Variants in OSBPL11 observed in about 807,000 individuals in gnomAD.
The protein encoded by OSBPL11 is oxysterol-binding protein-related protein 11.
Under a neutral mutation model 84.4 loss-of-function variants are expected in OSBPL11, and 33 were observed. The ratio of observed to expected loss-of-function variants is 0.39; its 90% confidence interval spans 0.30 to 0.52. The LOEUF is 0.52. Among genes scored for constraint, OSBPL11 ranks in the 20% least tolerant of loss-of-function variants. The probability of loss-of-function intolerance (pLI) is 0.72; values close to 1 mark genes in which losing one functional copy is unlikely to be tolerated. For synonymous variants in OSBPL11, 276 were observed against 310.2 expected, an observed-to-expected ratio of 0.89 and a Z score of 1.16; for missense variants, 736 against 901.1, an observed-to-expected ratio of 0.82 and a Z score of 2.35.
intron 1 of OSBPL11, among the ~76,000 whole-genome samples, chr3:125,586,390 A>G (rs1452768705): frequency 6.6e-6 from 1 of 152,262 alleles, no homozygotes; most frequent in African/African-American, 2.4e-5. Context: ...GTCTATAAAA[A>G]TAACTGATTA....
chr3:125,577,882 G>A (rs1271127321), intron 4 of OSBPL11, among the ~76,000 whole-genome samples: 1 of 151,902 alleles, frequency 6.6e-6, no homozygotes, highest in African/African-American at 2.4e-5. Flanking sequence ...ATTGTTGATG[G>A]GAATGTAAAA....
At chr3:125,541,880 GCCCC>G (rs946805734) in intron 10 of OSBPL11, among the ~76,000 whole-genome samples, 1 of 152,126 alleles carries the variant, frequency 6.6e-6, no homozygotes, top group Non-Finnish European at 1.5e-5. Flanking sequence ...ACCGTACCCG[GCCCC>G]CAAATCTTGC....
At chr3:125,539,326 T>TATATAC (rs1553732054) in intron 10 of OSBPL11, among the ~76,000 whole-genome samples, 50 of 120,358 alleles carry the variant, frequency 4.2e-4, no homozygotes, top group Non-Finnish European at 5.9e-4. Context: ...TATATATATA[T>TATATAC]ATATATATAT....
In OSBPL11 at chr3:125,595,148, G is replaced by A; in HGVS notation, c.-348C>T. Reference sequence around the variant, plus strand: ...CGCAGATTCTGTAGCCAAGACGGCTGGGAAAAGGACGGAGCGCCACGGACA... The same window carrying A: ...CGCAGATTCTGTAGCCAAGACGGCTAGGAAAAGGACGGAGCGCCACGGACA... On this transcript the variant is annotated 5_prime_UTR_variant, in exon 1 of 13. Transcript: ENST00000296220. 5.5e-6 allele frequency: 1 copy of A among 181,096 alleles called. No homozygotes were observed. The highest frequency in any genetic ancestry group is 1.2e-5 in the Non-Finnish European group (1 of 84,968). 11.2% of individuals were successfully genotyped at this position (181,096 alleles called of 1,614,324 possible). A position where few individuals can be genotyped will look rare whatever the true frequency, so the allele number is the denominator to read the frequency against.
chr3:125,535,439 CTTTTTT>C (rs763678488), intron 11 of OSBPL11, among the ~76,000 whole-genome samples: 1 of 84,282 alleles, frequency 1.2e-5, no homozygotes, highest in African/African-American at 4.6e-5. Flanking sequence ...TCAGAAGCAT[CTTTTTT>C]TTTTTTTTTT....
intron 7 of OSBPL11, among the ~76,000 whole-genome samples, chr3:125,562,638 A>T (rs1347870982): frequency 6.6e-6 from 1 of 152,158 alleles, no homozygotes; most frequent in Non-Finnish European, 1.5e-5. Context: ...GAAAAAAAAT[A>T]GGAGAAGGCC....
intron 12 of OSBPL11, among the ~76,000 whole-genome samples, chr3:125,531,259 T>C (rs1337865606): frequency 3.3e-5 from 5 of 150,858 alleles, no homozygotes; most frequent in African/African-American, 1.2e-4. Context: ...ATTACAGACG[T>C]GAGCCACCGC....
intron 10 of OSBPL11, among the ~76,000 whole-genome samples, chr3:125,539,159 A>T (rs968089776): frequency 1.3e-5 from 2 of 151,290 alleles, no homozygotes; most frequent in African/African-American, 4.8e-5. Context: ...ATAAAATAAT[A>T]CATTAAAATG....
chr3:125,535,938 G>T (rs1935634840), intron 11 of OSBPL11, among the ~76,000 whole-genome samples: 1 of 150,734 alleles, frequency 6.6e-6, no homozygotes, highest in African/African-American at 2.4e-5. Flanking sequence ...TTCAAGACCA[G>T]CCTGACCAAC....
chr3:125,561,181 A>G (rs1462284708), intron 7 of OSBPL11, among the ~76,000 whole-genome samples: 1 of 151,712 alleles, frequency 6.6e-6, no homozygotes, highest in Non-Finnish European at 1.5e-5. Context: ...TGTTTTTAGT[A>G]GAGATGAGGT....
At chr3:125,549,325 C>A (rs541562371) in intron 9 of OSBPL11, among the ~76,000 whole-genome samples, 6 of 152,270 alleles carry the variant, frequency 3.9e-5, no homozygotes, top group Non-Finnish European at 8.8e-5. Flanking sequence ...CGCCCAGCCC[C>A]ATTCCTGACT....
intron 10 of OSBPL11, among the ~76,000 whole-genome samples, chr3:125,543,831 C>A (rs564439138): frequency 4.6e-5 from 7 of 152,072 alleles, no homozygotes; most frequent in African/African-American, 1.4e-4. Context: ...ACCTGGGAGG[C>A]GGAGGTTGCA....
intron 1 of OSBPL11, among the ~76,000 whole-genome samples, chr3:125,593,575 G>T (rs913967948): frequency 1.3e-5 from 2 of 150,332 alleles, no homozygotes; most frequent in Admixed American, 6.6e-5. Context: ...AGCCGAGATC[G>T]CGCCACCACA....
At chr3:125,555,297 T>G (rs2107596938) in intron 8 of OSBPL11, among the ~76,000 whole-genome samples, 1 of 152,338 alleles carries the variant, frequency 6.6e-6, no homozygotes, top group African/African-American at 2.4e-5. Context: ...GGACTCGGAC[T>G]GGATTCCCTG....
At position 125,578,695 on chromosome 3, in the gene OSBPL11, C is replaced by T. The variant is rs185955616; in HGVS notation, c.489+265G>A. Among the ~76,000 whole-genome samples, 133 of 151,898 alleles carry T rather than the reference C, an allele frequency of 8.8e-4. 2 individuals carry two copies. In the East Asian group the frequency reaches 0.013, roughly 15 times the overall value. The stretch of plus-strand genomic sequence containing the variant: ...CTGAGACAGGAAAATCACTTGAACC[C>T]GGGAGGCAGAGGTTGCAGTGAGACA... On this transcript the variant is annotated intron_variant, in intron 4 of 12. Transcript: ENST00000296220.
intron 10 of OSBPL11, among the ~76,000 whole-genome samples, chr3:125,540,110 A>C (rs1016355697): frequency 6.6e-6 from 1 of 152,134 alleles, no homozygotes; most frequent in African/African-American, 2.4e-5. Flanking sequence ...AGATCTCTGG[A>C]ATCTAAGAGC....
Position 125,567,384 on chromosome 3 carries a change from G to A in OSBPL11, c.868+10C>T, listed in dbSNP as rs752314301. 33 of 1,604,670 alleles carry A rather than the reference G, an allele frequency of 2.1e-5. No homozygotes were observed. The highest frequency in any genetic ancestry group is 1.3e-4 in the East Asian group (6 of 44,824). ...TCATTGTGAAGCCCTACCTTTAATC[G>A]ACAACTTACCTGAAGGCAATGAGCC... On this transcript the variant is annotated intron_variant, in intron 6 of 12. Coordinates refer to ENST00000296220, the MANE Select transcript of OSBPL11 (RefSeq NM_022776.5).
chr3:125,586,398 T>C (rs563849050), intron 1 of OSBPL11, among the ~76,000 whole-genome samples: 2 of 152,240 alleles, frequency 1.3e-5, no homozygotes, highest in Non-Finnish European at 2.9e-5. Flanking sequence ...AAATAACTGA[T>C]TAAACTGTGC....
rs770554601 is a variant in OSBPL11 at position 125,531,849 on chromosome 3, T to C, written c.2178+12A>G. The C allele has an allele frequency of 6.2e-7, 1 of 1,601,732 alleles. No homozygotes were observed. Among genetic ancestry groups the C allele is most frequent in the South Asian group, 1.1e-5 (1 of 88,422 alleles). On this transcript the variant is annotated intron_variant, in intron 12 of 12. Coordinates refer to ENST00000296220, the MANE Select transcript of OSBPL11 (RefSeq NM_022776.5). ...TAGATACATTTTTATCTTGAACACA[T>C]GTACAGCATACCTCTTTAATAAAAT...
Sources: allele counts gnomAD v4.1 joint callset (sites outside exome capture counted in the v4.1 genomes callset), GRCh38; gene constraint gnomAD v4.1.1; transcripts MANE v1.5; gene names NCBI Gene and HGNC (gene_info 2026-07-23, HGNC 2026-07-21).